The following ZMYND11 variants were observed in gnomAD, a reference collection of about 807,000 sequenced individuals.
ZMYND11 encodes the protein zinc finger MYND domain-containing protein 11.
A neutral mutation model predicts 84.9 loss-of-function variants in ZMYND11; 9 were observed. The observed-to-expected ratio is 0.11, with a 90% CI of 0.06 to 0.18. The LOEUF (loss-of-function observed/expected upper bound fraction) is 0.18, where lower values mean the gene tolerates loss of function less well. ZMYND11 is among the 10% of genes least tolerant of loss of function. The pLI, the probability that ZMYND11 is intolerant of heterozygous loss-of-function variation, is 1.00. For missense variants in ZMYND11, 409 were observed against 761.0 expected, an observed-to-expected ratio of 0.54 and a Z score of 5.44; for synonymous variants, 250 against 244.1, an observed-to-expected ratio of 1.02 and a Z score of -0.23.
upstream of ZMYND11, among the ~76,000 whole-genome samples, chr10:133,711 C>A (rs1406058244): frequency 6.6e-6 from 1 of 152,122 alleles, no homozygotes; most frequent in Non-Finnish European, 1.5e-5. Flanking sequence ...TGTTGGAATT[C>A]CTGGCCCAAC....
intron 2 of ZMYND11, among the ~76,000 whole-genome samples, chr10:189,255 T>G (rs975390099): frequency 6.6e-6 from 1 of 152,224 alleles, no homozygotes; most frequent in African/African-American, 2.4e-5. Flanking sequence ...CGTGTGAAAT[T>G]TCAACTAGGT....
chr10:204,377 CTGT>C (rs888189450), intron 2 of ZMYND11, among the ~76,000 whole-genome samples: 5 of 152,044 alleles, frequency 3.3e-5, no homozygotes, highest in Non-Finnish European at 7.4e-5. Flanking sequence ...ATTTTTCTTA[CTGT>C]TGTTGTAAAT....
In ZMYND11 at chr10:253,615, CAT is replaced by C. The variant is rs1327537635; in HGVS notation, c.*1147_*1148del. ...GATAGTTGAATAATGATTTTTTATA[CAT>C]AGATATATAAAATACAGCCAGGAAA... On this transcript the variant is annotated 3_prime_UTR_variant, in exon 15 of 15. Coordinates refer to ENST00000381604, the MANE Select transcript of ZMYND11 (RefSeq NM_001370100.5). 6.6e-6 allele frequency: 1 copy of C among 152,598 alleles called. No individual in the cohort carries two copies. Among genetic ancestry groups the C allele is most frequent in the Non-Finnish European group, 1.5e-5 (1 of 68,020 alleles). The allele number at this position is 152,598 out of a possible 1,614,324, so 9.5% of individuals were successfully genotyped here. A position where few individuals can be genotyped will look rare whatever the true frequency, so the allele number is the denominator to read the frequency against.
chr10:239,641 AAGTTTAG>A (rs1189780093), intron 7 of ZMYND11, 116 bp downstream of exon 7: 7 of 791,338 alleles, frequency 8.8e-6, no homozygotes, highest in East Asian at 5.3e-5. Flanking sequence ...AATGATCTAC[AAGTTTAG>A]AGTATAAGGT....
intron 1 of ZMYND11, among the ~76,000 whole-genome samples, chr10:155,788 G>A (rs1370445049): frequency 6.6e-6 from 1 of 152,148 alleles, no homozygotes; most frequent in Non-Finnish European, 1.5e-5. Context: ...ATTCAGAGGG[G>A]AACTTCCACC....
At chr10:239,651 T>A (rs1448246376) in intron 7 of ZMYND11, 126 bp downstream of exon 7, 5 of 754,212 alleles carry the variant, frequency 6.6e-6, no homozygotes, top group Non-Finnish European at 1.1e-5. Flanking sequence ...AAGTTTAGAG[T>A]ATAAGGTTAG....
chr10:156,530 CTTCTG>C (rs1841765625), intron 1 of ZMYND11, among the ~76,000 whole-genome samples: 1 of 152,104 alleles, frequency 6.6e-6, no homozygotes. Context: ...GATCCTTTTT[CTTCTG>C]TTCATGTGAT....
intron 1 of ZMYND11, among the ~76,000 whole-genome samples, chr10:146,094 G>A (rs902335473): frequency 1.4e-4 from 22 of 151,968 alleles, no homozygotes; most frequent in Admixed American, 5.9e-4. Context: ...ATTCTTCTAC[G>A]TATGGCTATC....
chr10:161,395 A>G (rs1239413119), intron 1 of ZMYND11, among the ~76,000 whole-genome samples: 5 of 152,234 alleles, frequency 3.3e-5, no homozygotes, highest in African/African-American at 4.8e-5. Flanking sequence ...TAGATATAGC[A>G]TAATTCTTAA....
intron 1 of ZMYND11, among the ~76,000 whole-genome samples, chr10:158,412 C>CTT (rs372896551): frequency 0.22 from 31,297 of 141,140 alleles, 4,524 homozygotes; most frequent in Non-Finnish European, 0.33. Flanking sequence ...TTGTCTTTTC[C>CTT]TTTTTTTTTT....
At position 252,260 on chromosome 10, in the gene ZMYND11, A is replaced by AAAG; in HGVS notation, c.1687-87_1687-86insAGA. The AAAG allele has an allele frequency of 1.4e-6, 2 of 1,478,274 alleles. No individual in the cohort carries two copies. Among genetic ancestry groups the AAAG allele is most frequent in the Non-Finnish European group, 1.8e-6 (2 of 1,086,720 alleles). 91.6% of individuals were successfully genotyped at this position (1,478,274 alleles called of 1,614,324 possible). A position where few individuals can be genotyped will look rare whatever the true frequency, so the allele number is the denominator to read the frequency against. ...AGGTTGAGCCAGAAAGATCTTTTAA[A>AAAG]AGCACCACCTCAAGAGTTTGCCATT... On this transcript the variant is annotated intron_variant, in intron 14 of 14. Transcript: ENST00000381604. The surrounding 1 kb of genome is among the most constrained non-coding windows in gnomAD (Gnocchi z 4.6).
chr10:226,698 C>T (rs1589100767), intron 4 of ZMYND11, among the ~76,000 whole-genome samples: 1 of 152,112 alleles, frequency 6.6e-6, no homozygotes, highest in East Asian at 1.9e-4. Context: ...TACCCGTTTT[C>T]TTTTCCATAC....
intron 1 of ZMYND11, among the ~76,000 whole-genome samples, chr10:178,288 C>T (rs1413703138): frequency 6.6e-6 from 1 of 152,184 alleles, no homozygotes. Flanking sequence ...TTCATTGTGT[C>T]TAGCACAGTG....
rs12260462 is a variant in ZMYND11 at position 155,243 on chromosome 10, A to G, written c.-20+19684A>G. On this transcript the variant is annotated intron_variant, in intron 1 of 14. Transcript: ENST00000381604. ...AAATCTTGAAGGAAAAGATGGAGAA[A>G]TTTGACTACATACAATTTAAAAATG... Among the ~76,000 whole-genome samples the G allele has an allele frequency of 8.2e-3, 1,252 of 152,314 alleles. 24 individuals carry two copies. Among genetic ancestry groups the G allele is most frequent in the African/African-American group, 0.028 (1,181 of 41,568 alleles).
At chr10:131,898 T>C (rs1207869739), upstream of ZMYND11, among the ~76,000 whole-genome samples, 1 of 152,254 alleles carries the variant, frequency 6.6e-6, no homozygotes, top group East Asian at 1.9e-4. Flanking sequence ...GCAGCATCAA[T>C]GAATGGTAAC....
chr10:228,128 G>A (rs1048568907), intron 4 of ZMYND11, among the ~76,000 whole-genome samples: 1 of 152,026 alleles, frequency 6.6e-6, no homozygotes, highest in Admixed American at 6.6e-5. Context: ...TAAAGCCAGA[G>A]GATTTTAAAA....
chr10:171,436 A>G (rs1246275355), intron 1 of ZMYND11, among the ~76,000 whole-genome samples: 1 of 152,168 alleles, frequency 6.6e-6, no homozygotes, highest in Non-Finnish European at 1.5e-5. Context: ...ACAGACCTTA[A>G]TAAACTTAAT....
At chr10:221,126 C>T (rs1210840636) in intron 3 of ZMYND11, 69 bp from the exon 4 acceptor site, 4 of 1,401,316 alleles carry the variant, frequency 2.9e-6, no homozygotes, top group Non-Finnish European at 4.0e-6. Flanking sequence ...ACATTAGTTT[C>T]AATTTTGTTC....
At chr10:233,094 T>G (rs1217163120) in intron 4 of ZMYND11, among the ~76,000 whole-genome samples, 1 of 152,198 alleles carries the variant, frequency 6.6e-6, no homozygotes, top group Admixed American at 6.5e-5. Context: ...GCAGTGCTCT[T>G]AACCACACCT....
Sources: gnomAD v4.1 joint callset for allele counts (sites outside exome capture counted in the v4.1 genomes callset) on GRCh38, gnomAD v4.1.1 for gene constraint, Gnocchi (gnomAD v3.1) non-coding constraint, MANE v1.5 for transcripts, NCBI Gene and HGNC (gene_info 2026-07-23, HGNC 2026-07-21) for gene names.